RALGAPA2: variants seen among roughly 807,000 people sequenced by gnomAD.
RALGAPA2 encodes Ral GTPase activating protein catalytic subunit alpha 2, also known as ral GTPase-activating protein subunit alpha-2.
In RALGAPA2, 139 loss-of-function variants were observed where a neutral mutation model predicts 230.4. The observed-to-expected ratio is 0.60, with a 90% CI of 0.53 to 0.69. The LOEUF (loss-of-function observed/expected upper bound fraction) is 0.69, where lower values mean the gene tolerates loss of function less well. Ranked by LOEUF, RALGAPA2 falls within the 30% of genes least tolerant of loss-of-function variation. RALGAPA2 has a pLI of 0.00. For synonymous variants in RALGAPA2, 847 were observed against 837.8 expected, an observed-to-expected ratio of 1.01 and a Z score of -0.19; for missense variants, 2,163 against 2,276.0, an observed-to-expected ratio of 0.95 and a Z score of 1.01.
chr20:20,662,031 ACACT>A (rs1295834033), intron 3 of RALGAPA2, among the ~76,000 whole-genome samples: 1 of 152,252 alleles, frequency 6.6e-6, no homozygotes, highest in Non-Finnish European at 1.5e-5. Context: ...ATATTAACAC[ACACT>A]ATCTTTGAGA....
chr20:20,540,383 TCAG>T (rs1236186240), intron 24 of RALGAPA2, among the ~76,000 whole-genome samples: 1 of 152,198 alleles, frequency 6.6e-6, no homozygotes, highest in Non-Finnish European at 1.5e-5. Flanking sequence ...CTATCATACC[TCAG>T]GCAGATAGTT....
chr20:20,392,636 T>C lies in RALGAPA2; in HGVS notation c.*653A>G, dbSNP rs2059623040. 1 of 161,178 alleles carries C rather than the reference T, an allele frequency of 6.2e-6. No individual in the cohort carries two copies. Among genetic ancestry groups the C allele is most frequent in the African/African-American group, 2.4e-5 (1 of 41,500 alleles). The allele number at this position is 161,178 out of a possible 1,614,324, so 10.0% of individuals were successfully genotyped here. The stretch of plus-strand genomic sequence containing the variant: ...CTTAGTTAGCGGGCGTCAGGTACCA[T>C]GTGGGAAAACACTGGACAACTGAGG... On this transcript the variant is annotated 3_prime_UTR_variant, in exon 40 of 40. Coordinates refer to ENST00000202677, the MANE Select transcript of RALGAPA2 (RefSeq NM_020343.4).
intron 18 of RALGAPA2, 151 bp downstream of exon 18, chr20:20,589,117 A>G (rs2146081142): frequency 8.7e-7 from 1 of 1,144,058 alleles, no homozygotes. Context: ...AGCAAGCAAA[A>G]TCTTAAAAGA....
chr20:20,684,895 T>C (rs2068646358), intron 1 of RALGAPA2, among the ~76,000 whole-genome samples: 1 of 152,236 alleles, frequency 6.6e-6, no homozygotes, highest in Non-Finnish European at 1.5e-5. Flanking sequence ...ATAACAAATA[T>C]CAGATATTTT....
At chr20:20,710,849 G>T (rs912602836) in intron 1 of RALGAPA2, among the ~76,000 whole-genome samples, 1 of 152,174 alleles carries the variant, frequency 6.6e-6, no homozygotes, top group Non-Finnish European at 1.5e-5. Flanking sequence ...ACAGAAAAAG[G>T]CTCAAAGTAT....
At position 20,584,988 on chromosome 20, in the gene RALGAPA2, A is replaced by G. The variant is rs768516136; in HGVS notation, c.2440-33T>C. 4.0e-6 allele frequency: 6 copies of G among 1,515,994 alleles called. No individual in the cohort carries two copies. In the South Asian group the frequency reaches 5.9e-5, roughly 15 times the overall value. 93.9% of individuals were successfully genotyped at this position (1,515,994 alleles called of 1,614,324 possible). On this transcript the variant is annotated intron_variant, in intron 18 of 39. Coordinates refer to ENST00000202677, the MANE Select transcript of RALGAPA2 (RefSeq NM_020343.4). ...CAAAAAGAAATATTGCATTTACTAC[A>G]GGAAAGTTTTCATTGTTATAAGACT...
chr20:20,512,997 CAG>C lies in RALGAPA2; in HGVS notation c.4370_4371del (p.Ser1457Ter), dbSNP rs1405825324. 1 of 1,613,672 alleles carries C rather than the reference CAG, an allele frequency of 6.2e-7. No individual in the cohort carries two copies. The highest frequency in any genetic ancestry group is 2.2e-5 in the East Asian group (1 of 44,842). ...ATATCCCTCACAATTACTCTCACAT[CAG>C]AGAGAGAGCCCACTGGTGATCCCCC... is the stretch of plus-strand genomic sequence containing the variant. ...PVGGSPVGSL[S>X]DVRVIVRDIS... On this transcript the variant is annotated frameshift_variant, in exon 32 of 40. Coordinates refer to ENST00000202677, the MANE Select transcript of RALGAPA2 (RefSeq NM_020343.4). LOFTEE classifies it high-confidence loss of function.
chr20:20,708,481 G>C (rs1208964683), intron 1 of RALGAPA2, among the ~76,000 whole-genome samples: 1 of 152,110 alleles, frequency 6.6e-6, no homozygotes, highest in Non-Finnish European at 1.5e-5. Flanking sequence ...AAGATCTGAT[G>C]GTTTTATAAA....
chr20:20,587,450 A>G (rs900704737), intron 18 of RALGAPA2, among the ~76,000 whole-genome samples: 10 of 152,266 alleles, frequency 6.6e-5, no homozygotes, highest in African/African-American at 2.2e-4. Flanking sequence ...GGGACCTGAC[A>G]CAAGTAGTTA....
chr20:20,635,680 C>CAA, intron 8 of RALGAPA2, 63 bp from the exon 9 acceptor site: 1 of 1,344,786 alleles, frequency 7.4e-7, no homozygotes. Flanking sequence ...GTAATCCCTA[C>CAA]AAATGTTTTG....
At chr20:20,453,184 A>T (rs749517907) in intron 37 of RALGAPA2, among the ~76,000 whole-genome samples, 18 of 152,244 alleles carry the variant, frequency 1.2e-4, no homozygotes, top group Non-Finnish European at 2.1e-4. Context: ...TGAGGTTCTT[A>T]GTGCCTGGGA....
chr20:20,428,265 C>T (rs2060428235), intron 37 of RALGAPA2, among the ~76,000 whole-genome samples: 1 of 152,190 alleles, frequency 6.6e-6, no homozygotes, highest in Admixed American at 6.5e-5. Flanking sequence ...TCCCAACCCA[C>T]ACAATTCTCT....
At chr20:20,458,742 A>ATATATACATACACACC (rs1245370291) in intron 37 of RALGAPA2, among the ~76,000 whole-genome samples, 7 of 132,316 alleles carry the variant, frequency 5.3e-5, no homozygotes, top group African/African-American at 2.0e-4. Context: ...ACACCTATAT[A>ATATATACATACACACC]TATATACATA....
Position 20,437,787 on chromosome 20 carries a change from A to G in RALGAPA2, c.5496-25639T>C, listed in dbSNP as rs1206606482. Among the ~76,000 whole-genome samples, 1 of 151,932 alleles carries G rather than the reference A, an allele frequency of 6.6e-6. No individual in the cohort carries two copies. The highest frequency in any genetic ancestry group is 1.5e-5 in the Non-Finnish European group (1 of 67,994). On this transcript the variant is annotated intron_variant, in intron 37 of 39. Coordinates refer to ENST00000202677, the MANE Select transcript of RALGAPA2 (RefSeq NM_020343.4). This position sits in a 1 kb window ranked among gnomAD's most constrained non-coding sequence, Gnocchi z 4.1. ...ACTCACCATGCTCTAACTTCCCTGG[A>G]TTTTCATGATCTAGCTTGCTTGCTG...
chr20:20,608,300 A>G (rs898291876), intron 14 of RALGAPA2, among the ~76,000 whole-genome samples: 1 of 152,214 alleles, frequency 6.6e-6, no homozygotes, highest in African/African-American at 2.4e-5. Flanking sequence ...CTCATATTAC[A>G]AAGAGCAGGA....
At chr20:20,585,091 A>C (rs1210085723) in intron 18 of RALGAPA2, 136 bp from the exon 19 acceptor site, 1 of 530,596 alleles carries the variant, frequency 1.9e-6, no homozygotes, top group Non-Finnish European at 3.2e-6. Context: ...TTTCCATTTG[A>C]AGGATATGTT....
intron 28 of RALGAPA2, among the ~76,000 whole-genome samples, 164 bp from the exon 29 acceptor site, chr20:20,525,062 A>C (rs975574464): frequency 6.6e-6 from 1 of 152,202 alleles, no homozygotes; most frequent in Admixed American, 6.5e-5. Flanking sequence ...GATCTTGAAA[A>C]TTAGGGAAAG....
chr20:20,584,780 C>CTAA (rs1270999562), intron 19 of RALGAPA2, 85 bp downstream of exon 19: 72 of 1,078,792 alleles, frequency 6.7e-5, no homozygotes, highest in African/African-American at 1.1e-4. Context: ...GACTGAGTCT[C>CTAA]TAATAATAAT....
chr20:20,701,269 A>C (rs879233572), intron 1 of RALGAPA2, among the ~76,000 whole-genome samples: 1 of 152,218 alleles, frequency 6.6e-6, no homozygotes, highest in Admixed American at 6.5e-5. Context: ...TGCATTAATA[A>C]ATGTAGAAAT....
Sources: gnomAD v4.1 joint callset for allele counts (sites outside exome capture counted in the v4.1 genomes callset) on GRCh38, gnomAD v4.1.1 for gene constraint, Gnocchi (gnomAD v3.1) non-coding constraint, MANE v1.5 for transcripts, NCBI Gene and HGNC (gene_info 2026-07-23, HGNC 2026-07-21) for gene names.